The following MMP16 variants were observed in gnomAD, a reference collection of about 807,000 sequenced individuals.
MMP16 encodes the protein matrix metallopeptidase 16, also known as matrix metalloproteinase-16.
A neutral mutation model predicts 67.8 loss-of-function variants in MMP16; 12 were observed. That is an observed-to-expected ratio of 0.18 (90% confidence interval 0.11 to 0.29). The LOEUF is 0.29. Ranked by LOEUF, MMP16 falls within the 10% of genes least tolerant of loss-of-function variation. The probability of loss-of-function intolerance (pLI) is 1.00; values close to 1 mark genes in which losing one functional copy is unlikely to be tolerated. For missense variants in MMP16, 475 were observed against 765.7 expected, an observed-to-expected ratio of 0.62 and a Z score of 4.48; for synonymous variants, 249 against 255.9, an observed-to-expected ratio of 0.97 and a Z score of 0.26.
intron 1 of MMP16, among the ~76,000 whole-genome samples, chr8:88,306,242 T>C (rs779197090): frequency 3.3e-5 from 5 of 151,954 alleles, no homozygotes; most frequent in Non-Finnish European, 4.4e-5. Flanking sequence ...CATGAAGAAA[T>C]TGCATTCCTG....
intron 8 of MMP16, among the ~76,000 whole-genome samples, chr8:88,050,324 A>C (rs1243954979): frequency 2.0e-5 from 3 of 152,166 alleles, no homozygotes; most frequent in Non-Finnish European, 4.4e-5. Context: ...CTTCATCTCA[A>C]ATAATAATAA....
chr8:88,112,013 CAG>C (rs1007406559), intron 6 of MMP16, among the ~76,000 whole-genome samples: 28 of 151,860 alleles, frequency 1.8e-4, no homozygotes, highest in African/African-American at 6.5e-4. Context: ...TTTCCTGACT[CAG>C]AGTCATGAGA....
At chr8:88,235,674 C>A (rs1285733255) in intron 1 of MMP16, among the ~76,000 whole-genome samples, 2 of 151,998 alleles carry the variant, frequency 1.3e-5, no homozygotes, top group Admixed American at 1.3e-4. Context: ...GTCTAGCTTG[C>A]ATAGCTCTTT....
chr8:88,050,139 T>C (rs1808251442), intron 8 of MMP16, among the ~76,000 whole-genome samples: 1 of 152,174 alleles, frequency 6.6e-6, no homozygotes, highest in Non-Finnish European at 1.5e-5. Context: ...CTGGCCAACA[T>C]GGCGAAACTC....
At chr8:88,112,305 T>C (rs1809350469) in intron 6 of MMP16, among the ~76,000 whole-genome samples, 1 of 151,744 alleles carries the variant, frequency 6.6e-6, no homozygotes. Flanking sequence ...AGTGAAATAC[T>C]GTGTACTGAA....
At chr8:88,202,114 T>C (rs1809353361) in intron 1 of MMP16, among the ~76,000 whole-genome samples, 1 of 152,192 alleles carries the variant, frequency 6.6e-6, no homozygotes, top group Non-Finnish European at 1.5e-5. Flanking sequence ...ATGAATGGAT[T>C]AGTGTACGAA....
chr8:88,147,522 A>G (rs1808313937), intron 4 of MMP16, among the ~76,000 whole-genome samples: 1 of 152,048 alleles, frequency 6.6e-6, no homozygotes, highest in African/African-American at 2.4e-5. Context: ...AAATTTGTGA[A>G]GAACTGTTAA....
intron 3 of MMP16, among the ~76,000 whole-genome samples, chr8:88,168,400 C>T (rs915640183): frequency 6.6e-6 from 1 of 152,112 alleles, no homozygotes; most frequent in Admixed American, 6.6e-5. Context: ...TCTTTATGCT[C>T]TTCTTGATCT....
At chr8:88,171,837 T>C (rs1808808508) in intron 3 of MMP16, among the ~76,000 whole-genome samples, 1 of 151,960 alleles carries the variant, frequency 6.6e-6, no homozygotes, top group Non-Finnish European at 1.5e-5. Context: ...TGCATTTTTT[T>C]TTTTTTTGAG....
chr8:88,270,164 A>G (rs1810543173), intron 1 of MMP16, among the ~76,000 whole-genome samples: 1 of 152,192 alleles, frequency 6.6e-6, no homozygotes. Context: ...AGAGGATCTC[A>G]ACAAAGTTGA....
At chr8:88,177,800 G>A (rs1808916931) in intron 3 of MMP16, among the ~76,000 whole-genome samples, 1 of 152,082 alleles carries the variant, frequency 6.6e-6, no homozygotes, top group Non-Finnish European at 1.5e-5. Context: ...GAAGGTCACA[G>A]CTCAGATACT....
At chr8:88,206,219 T>C (rs918323100) in intron 1 of MMP16, among the ~76,000 whole-genome samples, 1 of 152,150 alleles carries the variant, frequency 6.6e-6, no homozygotes, top group Non-Finnish European at 1.5e-5. Context: ...ACTGACACTG[T>C]TATACAATCA....
At chr8:88,239,529 A>T (rs992635254) in intron 1 of MMP16, among the ~76,000 whole-genome samples, 1 of 147,918 alleles carries the variant, frequency 6.8e-6, no homozygotes, top group African/African-American at 2.5e-5. Context: ...GTGTTATAAA[A>T]TTTTTTTTTT....
intron 6 of MMP16, among the ~76,000 whole-genome samples, chr8:88,115,337 T>C (rs1399437853): frequency 6.6e-6 from 1 of 152,074 alleles, no homozygotes; most frequent in East Asian, 1.9e-4. Context: ...AAGATTTTCT[T>C]TACTCTTTGA....
intron 7 of MMP16, among the ~76,000 whole-genome samples, chr8:88,057,066 C>T (rs117881573): frequency 0.019 from 2,957 of 152,130 alleles, 47 homozygotes; most frequent in Non-Finnish European, 0.03. Context: ...AGTTTCAGTC[C>T]ACTGAAGCTT....
intron 1 of MMP16, among the ~76,000 whole-genome samples, chr8:88,299,402 T>C (rs1292728304): frequency 2.0e-5 from 3 of 152,188 alleles, no homozygotes; most frequent in Non-Finnish European, 4.4e-5. Context: ...GGATCCCATC[T>C]GGAAGTAGCA....
intron 1 of MMP16, among the ~76,000 whole-genome samples, chr8:88,259,133 C>G (rs925905348): frequency 6.6e-6 from 1 of 152,102 alleles, no homozygotes; most frequent in Admixed American, 6.5e-5. Flanking sequence ...GTCATTTGAA[C>G]CCACGTCTGT....
chr8:88,324,484 G>A lies in MMP16; in HGVS notation c.132+2591C>T, dbSNP rs117557487. Among the ~76,000 whole-genome samples, 33 of 152,174 alleles carry A rather than the reference G, an allele frequency of 2.2e-4. No individual in the cohort carries two copies. The East Asian group carries it at 6.2e-3, about 28-fold the overall frequency. On this transcript the variant is annotated intron_variant, in intron 1 of 9. Coordinates refer to ENST00000286614, the MANE Select transcript of MMP16 (RefSeq NM_005941.5). ...TAAGTTTAGTGATGAATAAAGCAAT[G>A]TAATCTTAGTTGTCAGCATAAAAAG... is the stretch of plus-strand genomic sequence containing the variant.
intron 4 of MMP16, among the ~76,000 whole-genome samples, chr8:88,142,049 C>G (rs1396222569): frequency 1.3e-5 from 2 of 152,002 alleles, no homozygotes; most frequent in East Asian, 3.9e-4. Context: ...TCCCAAGTAG[C>G]TGGGACTTAG....
Sources: allele counts gnomAD v4.1 joint callset (sites outside exome capture counted in the v4.1 genomes callset), GRCh38; gene constraint gnomAD v4.1.1; transcripts MANE v1.5; gene names NCBI Gene and HGNC (gene_info 2026-07-23, HGNC 2026-07-21).